PITPNC1: variants seen among roughly 807,000 people sequenced by gnomAD.
PITPNC1 encodes phosphatidylinositol transfer protein cytoplasmic 1.
Under a neutral mutation model 44.7 loss-of-function variants are expected in PITPNC1, and 18 were observed. The observed-to-expected ratio is 0.40, with a 90% CI of 0.28 to 0.60. PITPNC1 has a LOEUF of 0.60. Among genes scored for constraint, PITPNC1 ranks in the 20% least tolerant of loss-of-function variants. The probability of loss-of-function intolerance (pLI) is 0.39; values close to 1 mark genes in which losing one functional copy is unlikely to be tolerated. For synonymous variants in PITPNC1, 141 were observed against 149.6 expected (o/e 0.94, Z 0.42); for missense variants, 290 against 418.4 (o/e 0.69, Z 2.68).
At chr17:67,669,884 C>T (rs1441270695) in intron 7 of PITPNC1, among the ~76,000 whole-genome samples, 2 of 151,988 alleles carry the variant, frequency 1.3e-5, no homozygotes, top group African/African-American at 2.4e-5. Context: ...CCGGCCTGGC[C>T]AACATGGTGA....
intron 6 of PITPNC1, among the ~76,000 whole-genome samples, chr17:67,658,746 C>G (rs1472706509): frequency 6.6e-6 from 1 of 152,034 alleles, no homozygotes; most frequent in Non-Finnish European, 1.5e-5. Context: ...GGAGCTTGGA[C>G]TCCTGCTTTC....
intron 8 of PITPNC1, chr17:67,687,035 C>A: frequency 1.6e-6 from 2 of 1,241,978 alleles, no homozygotes; most frequent in Middle Eastern, 1.9e-4. Flanking sequence ...CATCTAATAA[C>A]GGAAGTTGCC....
At chr17:67,442,203 G>GCA (rs2039021250) in intron 1 of PITPNC1, among the ~76,000 whole-genome samples, 1 of 37,774 alleles carries the variant, frequency 2.6e-5, no homozygotes, top group Admixed American at 4.6e-4. Context: ...GGGAAAATAA[G>GCA]CATATATATA....
chr17:67,431,058 G>T (rs1208262656), intron 1 of PITPNC1, among the ~76,000 whole-genome samples: 22 of 95,908 alleles, frequency 2.3e-4, no homozygotes, highest in East Asian at 4.8e-4. Flanking sequence ...TTTAGTTACT[G>T]TTTCTTTTTT....
At chr17:67,445,745 G>A (rs1328646205) in intron 1 of PITPNC1, among the ~76,000 whole-genome samples, 1 of 151,974 alleles carries the variant, frequency 6.6e-6, no homozygotes, top group African/African-American at 2.4e-5. Context: ...ATAACAGAGC[G>A]AAACTTTGTT....
chr17:67,409,291 A>G (rs4791290), intron 1 of PITPNC1, among the ~76,000 whole-genome samples: 9,695 of 149,600 alleles, frequency 0.065, 315 homozygotes, highest in Middle Eastern at 0.11. Context: ...TCACCTTGTT[A>G]GCCAGGATGG....
At chr17:67,575,769 C>A (rs1486694043) in intron 4 of PITPNC1, among the ~76,000 whole-genome samples, 1 of 107,838 alleles carries the variant, frequency 9.3e-6, no homozygotes, top group African/African-American at 3.7e-5. Context: ...ATTTGCCTTT[C>A]TTTCTTTCTT....
At chr17:67,454,646 T>C (rs771251801) in intron 1 of PITPNC1, among the ~76,000 whole-genome samples, 2 of 152,118 alleles carry the variant, frequency 1.3e-5, no homozygotes, top group Non-Finnish European at 2.9e-5. Context: ...TTTTTCCTAA[T>C]TGCAAAGCAC....
At chr17:67,494,187 T>C (rs72845158) in intron 1 of PITPNC1, among the ~76,000 whole-genome samples, 43 of 56,444 alleles carry the variant, frequency 7.6e-4, no homozygotes, top group African/African-American at 2.2e-3. Flanking sequence ...TTCTTTCTTT[T>C]TCTTTCTTTC....
intron 6 of PITPNC1, among the ~76,000 whole-genome samples, chr17:67,651,814 G>T (rs1233139493): frequency 1.3e-5 from 2 of 152,132 alleles, no homozygotes; most frequent in Non-Finnish European, 2.9e-5. Flanking sequence ...AGTGGTCTTT[G>T]GGGACTAGCT....
chr17:67,686,493 A>T (rs902250634), intron 8 of PITPNC1, among the ~76,000 whole-genome samples: 1 of 152,040 alleles, frequency 6.6e-6, no homozygotes. Flanking sequence ...GGTTCAGTAT[A>T]GACCTGCACT....
chr17:67,661,513 T>C (rs1256056136), intron 6 of PITPNC1, among the ~76,000 whole-genome samples: 1 of 152,140 alleles, frequency 6.6e-6, no homozygotes, highest in African/African-American at 2.4e-5. Context: ...GGAAGGACCC[T>C]GAAGGAAGCT....
chr17:67,652,474 C>T (rs2042219953), intron 6 of PITPNC1, among the ~76,000 whole-genome samples: 1 of 152,206 alleles, frequency 6.6e-6, no homozygotes, highest in South Asian at 2.1e-4. Flanking sequence ...AGGGAAACAG[C>T]CCTGGCACCA....
chr17:67,569,849 G>C (rs905401425), intron 4 of PITPNC1, among the ~76,000 whole-genome samples: 2 of 152,168 alleles, frequency 1.3e-5, no homozygotes, highest in African/African-American at 4.8e-5. Flanking sequence ...TGCTTTCTCT[G>C]CTTTATTCTC....
intron 1 of PITPNC1, chr17:67,379,449 C>T (rs2037925004): frequency 1.2e-6 from 1 of 811,288 alleles, no homozygotes; most frequent in Non-Finnish European, 1.5e-6. Flanking sequence ...TTACAAAACG[C>T]ATCACGGGGA....
intron 1 of PITPNC1, chr17:67,378,856 CGCGAGCCGGGAGCGGCGG>C (rs977143466): frequency 8.4e-5 from 33 of 395,158 alleles, no homozygotes; most frequent in Middle Eastern, 1.3e-3. Context: ...GGGAGCGGCG[CGCGAGCCGGGAGCGGCGG>C]GGGCTGCGAC....
chr17:67,471,407 A>G, intron 1 of PITPNC1: 1 of 323,276 alleles, frequency 3.1e-6, no homozygotes. Flanking sequence ...TTTTGAGTAA[A>G]GTTGCAATGA....
At chr17:67,406,117 A>G (rs933081314) in intron 1 of PITPNC1, among the ~76,000 whole-genome samples, 1 of 152,182 alleles carries the variant, frequency 6.6e-6, no homozygotes, top group East Asian at 1.9e-4. Flanking sequence ...CATCACCACT[A>G]TTCAATTCTA....
At chr17:67,522,657 A>ATTTTTTTTTTTTTTTTT (rs1219049449) in intron 1 of PITPNC1, among the ~76,000 whole-genome samples, 9 of 59,960 alleles carry the variant, frequency 1.5e-4, no homozygotes, top group African/African-American at 9.0e-4. Context: ...TACCATTTTA[A>ATTTTTTTTTTTTTTTTT]TCTTTTTTTT....
Sources: allele counts gnomAD v4.1 joint callset (sites outside exome capture counted in the v4.1 genomes callset), GRCh38; gene constraint gnomAD v4.1.1; transcripts MANE v1.5; gene names NCBI Gene and HGNC (gene_info 2026-07-23, HGNC 2026-07-21).